Variants in BORCS5 observed in about 807,000 individuals in gnomAD.
BORCS5 encodes BLOC-1 related complex subunit 5, also known as BLOC-1-related complex subunit 5.
In BORCS5, 17 loss-of-function variants were observed where a neutral mutation model predicts 22.1. That is an observed-to-expected ratio of 0.77 (90% CI 0.53 to 1.15). The LOEUF is 1.15. BORCS5 is among the 50% of genes most tolerant of loss of function. The pLI is 0.00. For synonymous variants in BORCS5, 117 were observed against 99.8 expected, an observed-to-expected ratio of 1.17 and a Z score of -1.03; for missense variants, 247 against 253.2, an observed-to-expected ratio of 0.98 and a Z score of 0.17.
chr12:12,362,757 A>C (rs1285166158), intron 2 of BORCS5, among the ~76,000 whole-genome samples: 2 of 145,842 alleles, frequency 1.4e-5, no homozygotes, highest in Non-Finnish European at 3.0e-5. Context: ...CTCCTGCCTC[A>C]GCCTCCTGAA....
intron 3 of BORCS5, among the ~76,000 whole-genome samples, chr12:12,439,717 C>T (rs774534371): frequency 1.3e-5 from 2 of 152,180 alleles, no homozygotes; most frequent in Non-Finnish European, 2.9e-5. Context: ...AAACAGAGAC[C>T]AGCACTCACA....
At chr12:12,440,762 C>T (rs1419331912) in intron 3 of BORCS5, among the ~76,000 whole-genome samples, 1 of 152,156 alleles carries the variant, frequency 6.6e-6, no homozygotes, top group African/African-American at 2.4e-5. Flanking sequence ...AGAGAAATCT[C>T]TGCATTAAGA....
intron 2 of BORCS5, among the ~76,000 whole-genome samples, chr12:12,428,496 C>T (rs1440568008): frequency 1.3e-5 from 2 of 152,164 alleles, no homozygotes; most frequent in African/African-American, 4.8e-5. Context: ...CAAACCTAAC[C>T]CTTAATATAT....
At chr12:12,440,622 C>CAAAA (rs1555156360) in intron 3 of BORCS5, among the ~76,000 whole-genome samples, 1 of 133,690 alleles carries the variant, frequency 7.5e-6, no homozygotes, top group Admixed American at 7.1e-5. Context: ...AAAAAAAAAC[C>CAAAA]AGGATTTGGG....
rs1221970017 is a variant in BORCS5, at chr12:12,470,854, C to T, written c.*5078C>T. ...TATGCTGGTGTGTGCGTGTCCATGC[C>T]TCCGGGATTTTTCCAGGGTTATCAA... On this transcript the variant is annotated 3_prime_UTR_variant, in exon 4 of 4. Transcript: ENST00000314565. Among the ~76,000 whole-genome samples the T allele has an allele frequency of 6.6e-6, 1 of 151,958 alleles. No individual in the cohort carries two copies. The highest frequency in any genetic ancestry group is 2.4e-5 in the African/African-American group (1 of 41,352).
At chr12:12,419,981 C>G (rs1036669668) in intron 2 of BORCS5, among the ~76,000 whole-genome samples, 1 of 152,004 alleles carries the variant, frequency 6.6e-6, no homozygotes, top group Non-Finnish European at 1.5e-5. Flanking sequence ...AAAATTTTCT[C>G]CCATTCTGTA....
chr12:12,394,976 A>G (rs1238969726), intron 2 of BORCS5, among the ~76,000 whole-genome samples: 1 of 152,092 alleles, frequency 6.6e-6, no homozygotes. Context: ...GTCATAGTCC[A>G]AAGGCCGGAT....
intron 2 of BORCS5, among the ~76,000 whole-genome samples, chr12:12,394,209 C>T (rs1941273795): frequency 1.3e-5 from 2 of 151,768 alleles, no homozygotes; most frequent in Non-Finnish European, 2.9e-5. Flanking sequence ...ACCTGTAATC[C>T]CAGCTACTCG....
intron 2 of BORCS5, among the ~76,000 whole-genome samples, chr12:12,403,057 C>T (rs961675070): frequency 6.6e-6 from 1 of 151,646 alleles, no homozygotes; most frequent in Non-Finnish European, 1.5e-5. Flanking sequence ...ATAATAACCA[C>T]ATTTCCCTTT....
At chr12:12,388,507 A>G (rs954691085) in intron 2 of BORCS5, among the ~76,000 whole-genome samples, 1 of 151,534 alleles carries the variant, frequency 6.6e-6, no homozygotes, top group Admixed American at 6.6e-5. Flanking sequence ...TCATTATAAT[A>G]TCCACTGCTT....
chr12:12,359,160 A>G (rs1863217807), intron 1 of BORCS5, among the ~76,000 whole-genome samples: 1 of 152,056 alleles, frequency 6.6e-6, no homozygotes. Context: ...CTCCCAAGGA[A>G]CCTGAATTGA....
At chr12:12,368,683 G>T (rs55712051) in intron 2 of BORCS5, among the ~76,000 whole-genome samples, 1 of 151,220 alleles carries the variant, frequency 6.6e-6, no homozygotes, top group Admixed American at 6.6e-5. Context: ...GGCTCAAGCA[G>T]ACCTCCCATC....
intron 3 of BORCS5, among the ~76,000 whole-genome samples, chr12:12,450,384 G>T (rs778416612): frequency 6.6e-6 from 1 of 152,232 alleles, no homozygotes; most frequent in Non-Finnish European, 1.5e-5. Context: ...GATGTCAAGA[G>T]TACAAAATGT....
Position 12,465,522 on chromosome 12 carries a change from T to C in BORCS5, c.361-24T>C, listed in dbSNP as rs771533959. ...GAGGACTTGATTAAACAAGGTATAA[T>C]GTACTTCTCTTTCCCATCCACAGAT... On this transcript the variant is annotated intron_variant, in intron 3 of 3. Coordinates refer to ENST00000314565, the MANE Select transcript of BORCS5 (RefSeq NM_058169.6). 2.5e-6 allele frequency: 4 copies of C among 1,605,702 alleles called. No individual in the cohort carries two copies. In the South Asian group the frequency reaches 3.3e-5, roughly 13 times the overall value.
At chr12:12,365,884 T>G (rs1202418778) in intron 2 of BORCS5, among the ~76,000 whole-genome samples, 1 of 152,176 alleles carries the variant, frequency 6.6e-6, no homozygotes, top group African/African-American at 2.4e-5. Context: ...GAATAAGACT[T>G]AGTTTCCAAT....
At chr12:12,358,583 G>T (rs76413444) in intron 1 of BORCS5, among the ~76,000 whole-genome samples, 1 of 152,178 alleles carries the variant, frequency 6.6e-6, no homozygotes, top group Non-Finnish European at 1.5e-5. Flanking sequence ...AGGGGGAAGC[G>T]GTGTGGCATC....
chr12:12,447,278 C>T (rs901310697), intron 3 of BORCS5, among the ~76,000 whole-genome samples: 3 of 152,226 alleles, frequency 2.0e-5, no homozygotes, highest in African/African-American at 7.2e-5. Context: ...GTCTGCTCCC[C>T]TTCTCTGCCT....
At chr12:12,403,979 T>C (rs1486934579) in intron 2 of BORCS5, among the ~76,000 whole-genome samples, 2 of 152,236 alleles carry the variant, frequency 1.3e-5, no homozygotes, top group African/African-American at 4.8e-5. Flanking sequence ...TAGTTCCGTA[T>C]AACTGCCTTT....
chr12:12,449,727 G>C (rs1942869488), intron 3 of BORCS5, among the ~76,000 whole-genome samples: 1 of 152,190 alleles, frequency 6.6e-6, no homozygotes, highest in East Asian at 1.9e-4. Flanking sequence ...TCCAGTATGT[G>C]GAAATCGATG....
Sources: gnomAD v4.1 joint callset for allele counts (sites outside exome capture counted in the v4.1 genomes callset) on GRCh38, gnomAD v4.1.1 for gene constraint, MANE v1.5 for transcripts, NCBI Gene and HGNC (gene_info 2026-07-23, HGNC 2026-07-21) for gene names.